The following GALNT13 variants were observed in gnomAD, a reference collection of about 807,000 sequenced individuals.
The protein encoded by GALNT13 is UDP-GalNAc:polypeptide N-acetylgalactosaminyltransferase 13.
GALNT13 carries 28 observed loss-of-function variants against 64.2 expected under a neutral mutation model. The ratio of observed to expected loss-of-function variants is 0.44; its 90% CI spans 0.32 to 0.60. The LOEUF is 0.60. Among genes scored for constraint, GALNT13 ranks in the 20% least tolerant of loss-of-function variants. The pLI, the probability that GALNT13 is intolerant of heterozygous loss-of-function variation, is 0.05. For missense variants in GALNT13, 577 were observed against 669.8 expected, an observed-to-expected ratio of 0.86 and a Z score of 1.53; for synonymous variants, 214 against 224.6, an observed-to-expected ratio of 0.95 and a Z score of 0.42.
the GALNT13 span, among the ~76,000 whole-genome samples, chr2:153,252,597 G>A: frequency 2.0e-5 from 3 of 152,030 alleles, no homozygotes; most frequent in African/African-American, 7.3e-5. Flanking sequence ...GGGTTTTTAC[G>A]GTTTTAGGTC....
intron 3 of GALNT13, among the ~76,000 whole-genome samples, chr2:154,069,414 A>C (rs996318651): frequency 2.0e-5 from 3 of 151,988 alleles, no homozygotes; most frequent in Non-Finnish European, 4.4e-5. Context: ...TAAAATCATG[A>C]AACACCAAGA....
At chr2:154,418,369 G>A in intron 11 of GALNT13, among the ~76,000 whole-genome samples, 1 of 152,112 alleles carries the variant, frequency 6.6e-6, no homozygotes, top group East Asian at 1.9e-4. Flanking sequence ...TTGTAGACAT[G>A]ATTTTGTTAA....
the GALNT13 span, among the ~76,000 whole-genome samples, chr2:153,182,844 A>C: frequency 6.6e-6 from 1 of 152,140 alleles, no homozygotes. Flanking sequence ...TACCATGTTT[A>C]CTTTACCCAG....
intron 3 of GALNT13, among the ~76,000 whole-genome samples, chr2:154,106,703 T>G (rs1456671166): frequency 6.6e-6 from 1 of 151,966 alleles, no homozygotes; most frequent in Non-Finnish European, 1.5e-5. Context: ...TTTGTGGGCC[T>G]TTCCATGTAA....
chr2:154,329,196 C>A (rs1695037046), intron 9 of GALNT13, among the ~76,000 whole-genome samples: 1 of 152,128 alleles, frequency 6.6e-6, no homozygotes, highest in Admixed American at 6.5e-5. Context: ...ACCTCTGCCT[C>A]CCTGGTTCAA....
chr2:153,789,473 G>A, the GALNT13 span, among the ~76,000 whole-genome samples: 1 of 152,020 alleles, frequency 6.6e-6, no homozygotes, highest in Non-Finnish European at 1.5e-5. Flanking sequence ...AGTACTAAAT[G>A]CCCACACCAA....
At chr2:154,156,415 C>T (rs1446982446) in intron 4 of GALNT13, among the ~76,000 whole-genome samples, 1 of 151,960 alleles carries the variant, frequency 6.6e-6, no homozygotes, top group Non-Finnish European at 1.5e-5. Context: ...CCCCATGACA[C>T]AGTTTAAACA....
At chr2:153,397,746 C>A in the GALNT13 span, among the ~76,000 whole-genome samples, 15,545 of 151,876 alleles carry the variant, frequency 0.1, 910 homozygotes, top group African/African-American at 0.15. Flanking sequence ...TGGTTGGTAT[C>A]CAGTGTCTAT....
intron 4 of GALNT13, among the ~76,000 whole-genome samples, chr2:154,143,503 A>C (rs1423951905): frequency 2.0e-5 from 3 of 152,142 alleles, no homozygotes; most frequent in Admixed American, 6.6e-5. Context: ...TTAAAAAAAA[A>C]ATAAGTCTTC....
chr2:153,245,497 G>C, the GALNT13 span, among the ~76,000 whole-genome samples: 1 of 152,182 alleles, frequency 6.6e-6, no homozygotes, highest in East Asian at 1.9e-4. Context: ...CAGGTGAACA[G>C]TGTCTGGAAT....
rs534696525 is a variant in GALNT13 at position 154,014,158 on chromosome 2, T to A, written c.142+69519T>A. 3.9e-5 allele frequency among the ~76,000 whole-genome samples: 6 copies of A among 152,278 alleles called. No homozygotes were observed. The South Asian group carries it at 1.2e-3, about 32-fold the overall frequency. Reference sequence around the variant, plus strand: ...GCCACTTAGAGGAGCTTGGTGAGCCTTGGGGGATAGACATCCCTGGCCATG... The same window carrying A: ...GCCACTTAGAGGAGCTTGGTGAGCCATGGGGGATAGACATCCCTGGCCATG... On this transcript the variant is annotated intron_variant, in intron 3 of 12. Transcript: ENST00000392825.
At chr2:153,966,658 G>T (rs987131463) in intron 3 of GALNT13, among the ~76,000 whole-genome samples, 2 of 151,912 alleles carry the variant, frequency 1.3e-5, no homozygotes, top group African/African-American at 2.4e-5. Flanking sequence ...GTGAGCCACC[G>T]CGACCGGCCC....
intron 10 of GALNT13, among the ~76,000 whole-genome samples, chr2:154,404,677 G>A (rs558530102): frequency 6.6e-6 from 1 of 152,176 alleles, no homozygotes; most frequent in African/African-American, 2.4e-5. Context: ...ACAGTCTGCA[G>A]TCTGTGAATT....
chr2:154,254,377 T>C (rs1444685232), intron 7 of GALNT13, among the ~76,000 whole-genome samples: 2 of 152,144 alleles, frequency 1.3e-5, no homozygotes, highest in African/African-American at 4.8e-5. Context: ...TTTTTGAACA[T>C]CTATTAACAT....
chr2:153,955,514 G>C (rs372847807), intron 3 of GALNT13, among the ~76,000 whole-genome samples: 129 of 151,918 alleles, frequency 8.5e-4, no homozygotes, highest in African/African-American at 2.9e-3. Flanking sequence ...GTCATAAAAG[G>C]GTTTCTAGAT....
intron 9 of GALNT13, among the ~76,000 whole-genome samples, chr2:154,364,640 T>C (rs1697259532): frequency 7.4e-6 from 1 of 134,412 alleles, no homozygotes; most frequent in Non-Finnish European, 1.6e-5. Flanking sequence ...TCCTTCACTT[T>C]TGTTGTTTTG....
the GALNT13 span, among the ~76,000 whole-genome samples, chr2:153,301,092 G>T: frequency 1.1e-4 from 17 of 151,878 alleles, no homozygotes; most frequent in South Asian, 2.9e-3. Flanking sequence ...GCCACTCAGG[G>T]GCCTGAGGTG....
At chr2:153,676,700 C>G in the GALNT13 span, among the ~76,000 whole-genome samples, 1 of 152,038 alleles carries the variant, frequency 6.6e-6, no homozygotes, top group African/African-American at 2.4e-5. Context: ...AGGCTTTCTC[C>G]ATGGATGCAA....
chr2:153,505,657 G>C, the GALNT13 span, among the ~76,000 whole-genome samples: 1 of 151,600 alleles, frequency 6.6e-6, no homozygotes, highest in Non-Finnish European at 1.5e-5. Context: ...ATATATATAT[G>C]CATGGTTTTG....
Sources: allele counts gnomAD v4.1 joint callset (sites outside exome capture counted in the v4.1 genomes callset), GRCh38; gene constraint gnomAD v4.1.1; transcripts MANE v1.5; gene names NCBI Gene and HGNC (gene_info 2026-07-23, HGNC 2026-07-21).